The following ZNF774 variants were observed in gnomAD, a reference collection of about 807,000 sequenced individuals.
ZNF774 encodes the protein zinc finger protein 774.
In ZNF774, 14 loss-of-function variants were observed where a neutral mutation model predicts 11.1. That is an observed-to-expected ratio of 1.26 (90% CI 0.83 to 1.97). The LOEUF (loss-of-function observed/expected upper bound fraction) is 1.97, where lower values mean the gene tolerates loss of function less well. Ranked by LOEUF, ZNF774 falls within the 30% of genes most tolerant of loss-of-function variation. The probability of loss-of-function intolerance (pLI) is 0.00; values close to 1 mark genes in which losing one functional copy is unlikely to be tolerated. For synonymous variants in ZNF774, 195 were observed against 212.6 expected, an observed-to-expected ratio of 0.92 and a Z score of 0.72; for missense variants, 599 against 587.0, an observed-to-expected ratio of 1.02 and a Z score of -0.21.
chr15:90,359,901 CTT>C (rs1964301505), intron 3 of ZNF774, 140 bp from the exon 4 acceptor site: 2 of 935,716 alleles, frequency 2.1e-6, no homozygotes, highest in African/African-American at 3.3e-5. Flanking sequence ...CCTCAATAAA[CTT>C]TTCACAAAGT....
chr15:90,356,619 T>C (rs1964253331), intron 2 of ZNF774, among the ~76,000 whole-genome samples: 1 of 152,234 alleles, frequency 6.6e-6, no homozygotes, highest in Admixed American at 6.5e-5. Context: ...TTTCTAAGCA[T>C]ATATACAATT....
At position 90,358,842 on chromosome 15, in the gene ZNF774, C is replaced by G. The variant is rs1489144729; in HGVS notation, c.105-9C>G. On this transcript the variant is annotated splice_polypyrimidine_tract_variant and intron_variant, in intron 2 of 3. Transcript: ENST00000354377. ...CAGACTCACATCCTATGTTTACATT[C>G]CTGTGTAGAATTTCCAGGCCTAGTG... is the stretch of plus-strand genomic sequence containing the variant. The G allele has an allele frequency of 6.2e-7, 1 of 1,609,778 alleles. No homozygotes were observed. The highest frequency in any genetic ancestry group is 2.2e-5 in the East Asian group (1 of 44,744).
intron 1 of ZNF774, among the ~76,000 whole-genome samples, chr15:90,352,862 T>G (rs984278324): frequency 6.6e-6 from 1 of 152,086 alleles, no homozygotes; most frequent in Non-Finnish European, 1.5e-5. Flanking sequence ...AAACAGGGTT[T>G]CTATAACCGT....
Position 90,362,248 on chromosome 15 carries a change from C to T in ZNF774, c.*965C>T, listed in dbSNP as rs12912909. The T allele has an allele frequency of 0.1, 32,456 of 320,366 alleles. 1,963 individuals carry two copies. The highest frequency in any genetic ancestry group is 0.17 in the African/African-American group (8,396 of 48,246). 19.8% of individuals were successfully genotyped at this position (320,366 alleles called of 1,614,324 possible). ...GCCAAATTATCGTAGAGGATGTTTG[C>T]GGTCTTGTGACTTGGAGGCTGAAAG... On this transcript the variant is annotated 3_prime_UTR_variant, in exon 4 of 4. Transcript: ENST00000354377.
rs1024759489 is a variant in ZNF774 at position 90,354,652 on chromosome 15, C to T, written c.-9C>T. 7.5e-6 allele frequency: 12 copies of T among 1,597,168 alleles called. No individual in the cohort carries two copies. The Admixed American group carries it at 1.4e-4, about 18-fold the overall frequency. On this transcript the variant is annotated 5_prime_UTR_variant, in exon 2 of 4. It adds an upstream start codon to the 5' untranslated region. Transcript: ENST00000354377. ...GGTCTCTTGCTTTAGGAACTGATGA[C>T]GCTTGATAATGTGGCTGGGGACTTC...
In ZNF774 at chr15:90,354,700, C is replaced by G; in HGVS notation, c.40C>G (p.His14Asp). 6.2e-7 allele frequency: 1 copy of G among 1,612,130 alleles called. No individual in the cohort carries two copies. The highest frequency in any genetic ancestry group is 8.5e-7 in the Non-Finnish European group (1 of 1,179,236). The part of the protein sequence containing the change: ...GTSGKSGLPG[H>D]CLENPLQECH... ...TTCAGGGAAGAGTGGGTTACCTGGA[C>G]ACTGCTTAGAGAATCCTCTCCAGGA... The change falls in exon 2 of 4, where the codon CAC becomes GAC. Residue 14 changes from histidine to aspartate, a missense_variant. Coordinates refer to ENST00000354377, the MANE Select transcript of ZNF774 (RefSeq NM_001004309.3).
intron 3 of ZNF774, among the ~76,000 whole-genome samples, chr15:90,359,807 T>G (rs2095011328): frequency 6.6e-6 from 1 of 152,176 alleles, no homozygotes; most frequent in Non-Finnish European, 1.5e-5. Flanking sequence ...ATATGTGGTC[T>G]CCGCTTGAAG....
chr15:90,362,649 A>G lies in ZNF774; in HGVS notation c.*1366A>G, dbSNP rs1342322678. 1.4e-6 allele frequency: 2 copies of G among 1,438,750 alleles called. No homozygotes were observed. Among genetic ancestry groups the G allele is most frequent in the African/African-American group, 2.8e-5 (2 of 70,996 alleles). 89.1% of individuals were successfully genotyped at this position (1,438,750 alleles called of 1,614,324 possible). A position where few individuals can be genotyped will look rare whatever the true frequency, so the allele number is the denominator to read the frequency against. On this transcript the variant is annotated 3_prime_UTR_variant, in exon 4 of 4. Coordinates refer to ENST00000354377, the MANE Select transcript of ZNF774 (RefSeq NM_001004309.3). ...ACCGACTTCATTGAGAAGGTAAAGT[A>G]TTTGAGTCCTGGCCCTGACGCTTAA...
At position 90,358,894 on chromosome 15, in the gene ZNF774, G is replaced by A; in HGVS notation, c.148G>A (p.Glu50Lys). The stretch of plus-strand genomic sequence containing the variant: ...AATCTCCCAGCCGGAGCAGAAAGAA[G>A]AGCCATGGGTCCTACCACTCCAAAA... ...SVISQPEQKE[E>K]PWVLPLQNFE... Residue 50 changes from glutamate to lysine, a missense_variant, in exon 3 of 4, where the codon GAG becomes AAG. Glu to Lys is a moderately conservative substitution (Grantham distance 56, BLOSUM62 1). Transcript: ENST00000354377. 1.2e-6 allele frequency: 2 copies of A among 1,613,468 alleles called. No individual in the cohort carries two copies. Among genetic ancestry groups the A allele is most frequent in the Middle Eastern group, 1.7e-4 (1 of 6,058 alleles).
chr15:90,360,331 T>C lies in ZNF774; in HGVS notation c.500T>C (p.Ile167Thr), dbSNP rs779270794. The change falls in exon 4 of 4, where the codon ATA (isoleucine) becomes ACA (threonine). Residue 167 changes from isoleucine (I) to threonine (T), a missense_variant. By Grantham distance (89) the Ile-to-Thr change is moderately conservative (BLOSUM62 -1). Transcript: ENST00000354377. ...GKSFNQSSYL[I>T]RHLRTHTGER... ...AGCTTTAACCAGAGTTCCTATCTCA[T>C]AAGACACCTAAGAACCCACACTGGC... 15 of 1,614,098 alleles carry C rather than the reference T, an allele frequency of 9.3e-6. No homozygotes were observed. The East Asian group carries it at 3.3e-4, about 36-fold the overall frequency.
rs1276236924 is a variant in ZNF774 at position 90,362,384 on chromosome 15, T to C, written c.*1101T>C. 3.1e-6 allele frequency: 2 copies of C among 643,488 alleles called. No individual in the cohort carries two copies. Among genetic ancestry groups the C allele is most frequent in the African/African-American group, 1.8e-5 (1 of 55,164 alleles). The allele number at this position is 643,488 out of a possible 1,614,324, so 39.9% of individuals were successfully genotyped here. ...CAATGAACAAGCCAGAGGGACCTGG[T>C]AGAGGACTATAAAATTGTGGAAGCA... On this transcript the variant is annotated 3_prime_UTR_variant, in exon 4 of 4. Coordinates refer to ENST00000354377, the MANE Select transcript of ZNF774 (RefSeq NM_001004309.3).
At chr15:90,354,483 T>C in intron 1 of ZNF774, 159 bp from the exon 2 acceptor site, 2 of 581,088 alleles carry the variant, frequency 3.4e-6, no homozygotes, top group Non-Finnish European at 6.1e-6. Flanking sequence ...AAAACAGACT[T>C]AGAAAAGCAC....
intron 3 of ZNF774, among the ~76,000 whole-genome samples, 153 bp from the exon 4 acceptor site, chr15:90,359,890 A>G (rs576400296): frequency 1.1e-4 from 16 of 152,344 alleles, no homozygotes; most frequent in African/African-American, 3.8e-4. Context: ...AGCTCAATGA[A>G]CCTCAATAAA....
At chr15:90,358,353 T>C (rs1018710400) in intron 2 of ZNF774, among the ~76,000 whole-genome samples, 3 of 152,270 alleles carry the variant, frequency 2.0e-5, no homozygotes, top group Admixed American at 6.5e-5. Flanking sequence ...ATCATTGTTA[T>C]AATGGAATTT....
At position 90,361,296 on chromosome 15, in the gene ZNF774, G is replaced by A. The variant is rs773081274; in HGVS notation, c.*13G>A. ...CCATTTGATTTAGGAAGTAGTCTTT[G>A]GTGTTCAGCTGCTCCCTTGCACATT... is the stretch of plus-strand genomic sequence containing the variant. On this transcript the variant is annotated 3_prime_UTR_variant, in exon 4 of 4. Transcript: ENST00000354377. 6 of 1,577,128 alleles carry A rather than the reference G, an allele frequency of 3.8e-6. No individual in the cohort carries two copies. Among genetic ancestry groups the A allele is most frequent in the Non-Finnish European group, 5.2e-6 (6 of 1,161,168 alleles).
chr15:90,355,462 C>T (rs374266713), intron 2 of ZNF774: 8 of 455,702 alleles, frequency 1.8e-5, no homozygotes, highest in Admixed American at 4.7e-5. Flanking sequence ...CAGTGGCTCA[C>T]GCCTGTAATC....
chr15:90,357,875 A>G (rs145067633), intron 2 of ZNF774, among the ~76,000 whole-genome samples: 130 of 150,288 alleles, frequency 8.7e-4, no homozygotes, highest in African/African-American at 2.9e-3. Context: ...CACCTGGCCA[A>G]TGGATCTTAT....
At chr15:90,357,889 T>C (rs1321975226) in intron 2 of ZNF774, among the ~76,000 whole-genome samples, 1 of 143,514 alleles carries the variant, frequency 7.0e-6, no homozygotes, top group East Asian at 2.3e-4. Flanking sequence ...ATCTTATTCT[T>C]ATCCCAATTT....
In ZNF774 at chr15:90,362,015, G is replaced by A. The variant is rs8032987; in HGVS notation, c.*732G>A. Reference sequence around the variant, plus strand: ...GTACCTGGCCCTTAAAAGACACTCAGTACAAGATTGGTGGCTTTTATCAGT... The same window carrying A: ...GTACCTGGCCCTTAAAAGACACTCAATACAAGATTGGTGGCTTTTATCAGT... On this transcript the variant is annotated 3_prime_UTR_variant, in exon 4 of 4. Coordinates refer to ENST00000354377, the MANE Select transcript of ZNF774 (RefSeq NM_001004309.3). 15,314 of 157,644 alleles carry A rather than the reference G, an allele frequency of 0.097. 1,955 individuals are homozygous for A. The highest frequency in any genetic ancestry group is 0.3 in the African/African-American group (12,566 of 41,468). 9.8% of individuals were successfully genotyped at this position (157,644 alleles called of 1,614,324 possible). A position where few individuals can be genotyped will look rare whatever the true frequency, so the allele number is the denominator to read the frequency against.
Sources: gnomAD v4.1 joint callset for allele counts (sites outside exome capture counted in the v4.1 genomes callset) on GRCh38, gnomAD v4.1.1 for gene constraint, MANE v1.5 for transcripts, NCBI Gene and HGNC (gene_info 2026-07-23, HGNC 2026-07-21) for gene names.